PTPRT: variants seen among roughly 807,000 people sequenced by gnomAD.
PTPRT encodes protein tyrosine phosphatase receptor type T, also known as receptor-type tyrosine-protein phosphatase T.
PTPRT carries 56 observed loss-of-function variants against 176.8 expected under a neutral mutation model. That is an observed-to-expected ratio of 0.32 (90% CI 0.26 to 0.40). The LOEUF (loss-of-function observed/expected upper bound fraction) is 0.40, where lower values mean the gene tolerates loss of function less well. PTPRT is among the 10% of genes least tolerant of loss of function. PTPRT has a pLI of 1.00. For synonymous variants in PTPRT, 783 were observed against 739.0 expected (o/e 1.06, Z -0.96); for missense variants, 1,540 against 1,908.2 (o/e 0.81, Z 3.60).
intron 17 of PTPRT, among the ~76,000 whole-genome samples, chr20:42,145,163 A>T (rs1372566282): frequency 6.6e-6 from 1 of 152,222 alleles, no homozygotes; most frequent in Non-Finnish European, 1.5e-5. Context: ...TATAAAAATC[A>T]AACAAATGGT....
At chr20:42,821,946 G>C (rs1048632947) in intron 2 of PTPRT, among the ~76,000 whole-genome samples, 83 of 150,054 alleles carry the variant, frequency 5.5e-4, no homozygotes, top group Admixed American at 1.3e-3. Flanking sequence ...CATCCTCATG[G>C]ATAGGAAGAA....
intron 14 of PTPRT, among the ~76,000 whole-genome samples, chr20:42,238,374 C>T (rs1169262823): frequency 6.6e-6 from 1 of 152,150 alleles, no homozygotes; most frequent in Non-Finnish European, 1.5e-5. Context: ...TGTTCAATAT[C>T]CTGGACTGAA....
rs148257310 is a variant in PTPRT, at chr20:43,109,759, A to C, written c.88+79887T>G. Among the ~76,000 whole-genome samples, 403 of 152,302 alleles carry C rather than the reference A, an allele frequency of 2.6e-3. 2 individuals carry two copies. Among genetic ancestry groups the C allele is most frequent in the African/African-American group, 9.0e-3 (375 of 41,576 alleles). On this transcript the variant is annotated intron_variant, in intron 1 of 30. Coordinates refer to ENST00000373187, the MANE Select transcript of PTPRT (RefSeq NM_007050.6). ...AGGAAGATCCTGCTGAAGGGGTAGC[A>C]TGTAAGTTAAGACCCAAAGTGAGGA...
chr20:42,798,549 CA>C (rs200752419), intron 2 of PTPRT, among the ~76,000 whole-genome samples: 2 of 151,270 alleles, frequency 1.3e-5, no homozygotes, highest in African/African-American at 4.9e-5. Context: ...TATCAAGTGT[CA>C]AAAAAAAGAA....
At chr20:42,933,368 A>G (rs940486678) in intron 1 of PTPRT, among the ~76,000 whole-genome samples, 2 of 152,094 alleles carry the variant, frequency 1.3e-5, no homozygotes, top group Non-Finnish European at 2.9e-5. Context: ...ACAAGCCTTC[A>G]CTTCACTGTA....
chr20:42,664,234 G>A (rs1480191442), intron 7 of PTPRT, among the ~76,000 whole-genome samples: 4 of 152,022 alleles, frequency 2.6e-5, no homozygotes, highest in Admixed American at 1.3e-4. Flanking sequence ...CTATCAATGT[G>A]ATTACATTTT....
chr20:43,155,888 C>A (rs763379891), intron 1 of PTPRT, among the ~76,000 whole-genome samples: 11 of 152,102 alleles, frequency 7.2e-5, no homozygotes, highest in Admixed American at 2.0e-4. Flanking sequence ...AAATTAGCAG[C>A]CTGAGCCCTC....
chr20:42,847,912 TGA>T lies in PTPRT; in HGVS notation c.214+37893_214+37894del, dbSNP rs561890198. ...GACTAAGTTATATAGTGGTGATTTC[TGA>T]GAGTTTGGTGTACCCATCACCCTAG... On this transcript the variant is annotated intron_variant, in intron 2 of 30. Transcript: ENST00000373187. 3.3e-5 allele frequency among the ~76,000 whole-genome samples: 5 copies of T among 152,346 alleles called. No individual in the cohort carries two copies. The South Asian group carries it at 1.0e-3, about 32-fold the overall frequency.
chr20:42,104,170 T>G (rs1361765708), intron 25 of PTPRT, among the ~76,000 whole-genome samples: 3 of 152,122 alleles, frequency 2.0e-5, no homozygotes, highest in African/African-American at 7.2e-5. Flanking sequence ...AGTGCTCTTA[T>G]AAGAAGAAAC....
At chr20:43,057,846 A>C (rs958134165) in intron 1 of PTPRT, among the ~76,000 whole-genome samples, 4 of 152,208 alleles carry the variant, frequency 2.6e-5, no homozygotes, top group African/African-American at 7.2e-5. Flanking sequence ...TAGTCACATG[A>C]TTATTTGTTT....
intron 16 of PTPRT, among the ~76,000 whole-genome samples, chr20:42,169,092 A>G (rs1168747858): frequency 6.6e-6 from 1 of 152,138 alleles, no homozygotes; most frequent in Non-Finnish European, 1.5e-5. Context: ...AATGCTTCCA[A>G]TTTTCTCATT....
chr20:42,098,289 G>A (rs1257725391), intron 27 of PTPRT, 132 bp downstream of exon 27: 41 of 1,253,182 alleles, frequency 3.3e-5, no homozygotes, highest in Non-Finnish European at 4.2e-5. Flanking sequence ...TGATGCTCGT[G>A]GCCAGACACT....
Position 42,084,776 on chromosome 20 carries a change from G to A in PTPRT, c.4042C>T (p.Pro1348Ser), listed in dbSNP as rs539998222. The change falls in exon 29 of 31, where the codon CCC (proline) becomes TCC (serine). Residue 1348 changes from proline (P) to serine (S), a missense_variant. Pro to Ser is a moderately conservative substitution (Grantham distance 74). Transcript: ENST00000373187. ...IGWPAYRDTP[P>S]SKRSLLKVVR... ...ACTTTGAGCAGAGAGCGCTTGGAGG[G>A]GGGCGTGTCCCGGTAGGCAGGCCAG... 46 of 1,559,418 alleles carry A rather than the reference G, an allele frequency of 2.9e-5. No homozygotes were observed. The highest frequency in any genetic ancestry group is 3.7e-5 in the Non-Finnish European group (42 of 1,148,646).
At chr20:42,302,666 C>T (rs977030457) in intron 12 of PTPRT, among the ~76,000 whole-genome samples, 11 of 152,272 alleles carry the variant, frequency 7.2e-5, no homozygotes, top group Middle Eastern at 3.4e-3. Context: ...ATTGTGGGTT[C>T]GCTGAGGGCA....
chr20:42,039,846 A>G, the PTPRT span, among the ~76,000 whole-genome samples: 9 of 151,806 alleles, frequency 5.9e-5, no homozygotes, highest in Non-Finnish European at 1.5e-5. Flanking sequence ...TCATTGATGG[A>G]CACAGTTTGA....
intron 7 of PTPRT, among the ~76,000 whole-genome samples, chr20:42,624,074 GCCATGACTTGTA>G (rs1462943272): frequency 6.6e-6 from 1 of 150,762 alleles, no homozygotes; most frequent in Non-Finnish European, 1.5e-5. Context: ...CTAGCATGAA[GCCATGACTTGTA>G]CCAGGCACTG....
chr20:43,147,294 G>C (rs545031647), intron 1 of PTPRT, among the ~76,000 whole-genome samples: 1 of 152,242 alleles, frequency 6.6e-6, no homozygotes, highest in African/African-American at 2.4e-5. Context: ...CCATGCCTCA[G>C]TTTCCTCATC....
At chr20:43,066,574 C>G (rs1044723316) in intron 1 of PTPRT, among the ~76,000 whole-genome samples, 1 of 152,162 alleles carries the variant, frequency 6.6e-6, no homozygotes, top group Admixed American at 6.5e-5. Context: ...TGGCTACATT[C>G]CTGTGTATTC....
intron 2 of PTPRT, among the ~76,000 whole-genome samples, chr20:42,801,917 C>T (rs531405204): frequency 1.3e-5 from 2 of 152,254 alleles, no homozygotes; most frequent in South Asian, 4.2e-4. Context: ...ACCTCTCACC[C>T]TTCAGTTTAT....
Sources: allele counts gnomAD v4.1 joint callset (sites outside exome capture counted in the v4.1 genomes callset), GRCh38; gene constraint gnomAD v4.1.1; transcripts MANE v1.5; gene names NCBI Gene and HGNC (gene_info 2026-07-23, HGNC 2026-07-21).